The following TPRG1 variants were observed in gnomAD, a reference collection of about 807,000 sequenced individuals.
The protein encoded by TPRG1 is tumor protein p63 regulated 1.
In TPRG1, 29 loss-of-function variants were observed where a neutral mutation model predicts 29.3. That is an observed-to-expected ratio of 0.99 (90% CI 0.74 to 1.35). The LOEUF (loss-of-function observed/expected upper bound fraction) is 1.35, where lower values mean the gene tolerates loss of function less well. TPRG1 is among the 40% of genes most tolerant of loss of function. TPRG1 has a pLI of 0.00. For synonymous variants in TPRG1, 130 were observed against 116.8 expected (o/e 1.11, Z -0.73); for missense variants, 327 against 335.0 (o/e 0.98, Z 0.19).
rs1470652843 is a variant in TPRG1 at position 189,310,459 on chromosome 3, T to C, written c.553T>C (p.Trp185Arg). The C allele has an allele frequency of 1.9e-6, 3 of 1,612,716 alleles. No individual in the cohort carries two copies. Among genetic ancestry groups the C allele is most frequent in the Non-Finnish European group, 2.5e-6 (3 of 1,179,356 alleles). ...GTCTCTTCTGTCCCGCTGGAACCCA[T>C]GGTCCACTGAAGTTCCTTATGCTAC... ...EQSLLSRWNP[W>R]STEVPYATFT... The change falls in exon 5 of 6, where the codon TGG becomes CGG. Residue 185 changes from tryptophan (W) to arginine (R), a missense_variant. By Grantham distance (101) the Trp-to-Arg change is moderately radical. Coordinates refer to ENST00000345063, the MANE Select transcript of TPRG1 (RefSeq NM_198485.4).
chr3:189,058,335 T>G (rs1046105026), intron 4 of TPRG1, among the ~76,000 whole-genome samples: 10 of 152,210 alleles, frequency 6.6e-5, no homozygotes, highest in African/African-American at 2.2e-4. Flanking sequence ...ATCAATAGAT[T>G]ATTTTCTTTG....
intron 4 of TPRG1, among the ~76,000 whole-genome samples, chr3:189,085,439 G>C (rs1218651607): frequency 6.9e-6 from 1 of 143,994 alleles, no homozygotes; most frequent in Non-Finnish European, 1.5e-5. Flanking sequence ...GTGTCTGTGT[G>C]TGTGTGCATG....
intron 4 of TPRG1, among the ~76,000 whole-genome samples, chr3:189,289,966 A>G (rs1474507653): frequency 6.6e-6 from 1 of 152,250 alleles, no homozygotes; most frequent in Non-Finnish European, 1.5e-5. Context: ...GTACATTTTC[A>G]GATATTGCTT....
chr3:189,137,440 A>T (rs1202560075), intron 3 of TPRG1, among the ~76,000 whole-genome samples: 1 of 152,048 alleles, frequency 6.6e-6, no homozygotes, highest in Non-Finnish European at 1.5e-5. Context: ...AACAACAAAA[A>T]AAGAATTTTT....
intron 1 of TPRG1, among the ~76,000 whole-genome samples, chr3:189,180,601 C>T (rs1265237801): frequency 6.6e-6 from 1 of 152,330 alleles, no homozygotes; most frequent in East Asian, 1.9e-4. Flanking sequence ...CCAGGTCACA[C>T]TGATGCAAGA....
intron 1 of TPRG1, among the ~76,000 whole-genome samples, chr3:189,121,082 T>C (rs905024199): frequency 9.9e-5 from 15 of 152,226 alleles, no homozygotes; most frequent in African/African-American, 3.4e-4. Context: ...ATCTCTAAAT[T>C]TTTATTTTCT....
intron 3 of TPRG1, among the ~76,000 whole-genome samples, chr3:189,237,638 G>T (rs991368298): frequency 6.6e-6 from 1 of 152,124 alleles, no homozygotes; most frequent in Non-Finnish European, 1.5e-5. Flanking sequence ...TTATACAGGC[G>T]TGTAGTCCAT....
intron 1 of TPRG1, among the ~76,000 whole-genome samples, chr3:189,197,284 T>C (rs532263004): frequency 3.3e-5 from 5 of 152,362 alleles, no homozygotes; most frequent in African/African-American, 1.2e-4. Flanking sequence ...CTTGTTCATC[T>C]GTATATGGAG....
chr3:189,303,299 T>C (rs902777814), intron 4 of TPRG1, among the ~76,000 whole-genome samples: 10 of 152,218 alleles, frequency 6.6e-5, no homozygotes, highest in African/African-American at 1.9e-4. Flanking sequence ...ATGACTTTCA[T>C]CCAAATTAAT....
At chr3:189,252,142 C>T (rs1431337830) in intron 4 of TPRG1, among the ~76,000 whole-genome samples, 4 of 152,212 alleles carry the variant, frequency 2.6e-5, no homozygotes, top group African/African-American at 9.6e-5. Context: ...GCACATCTTG[C>T]ACCGCCCTTA....
intron 4 of TPRG1, among the ~76,000 whole-genome samples, chr3:189,295,564 C>T (rs1345875022): frequency 4.2e-5 from 6 of 143,754 alleles, no homozygotes; most frequent in East Asian, 4.3e-4. Context: ...ATGAAGGAGT[C>T]GCTTTAATAT....
intron 4 of TPRG1, among the ~76,000 whole-genome samples, chr3:189,091,591 G>T (rs370813886): frequency 1.3e-5 from 2 of 151,966 alleles, no homozygotes; most frequent in Admixed American, 1.3e-4. Flanking sequence ...GCAGTCTTTC[G>T]TAACATATAT....
chr3:189,022,358 T>G (rs1323934228), intron 3 of TPRG1, among the ~76,000 whole-genome samples: 2 of 145,842 alleles, frequency 1.4e-5, no homozygotes, highest in African/African-American at 2.6e-5. Context: ...CCCATCTTTG[T>G]GGTTTTATCT....
intron 3 of TPRG1, among the ~76,000 whole-genome samples, chr3:189,013,054 T>G (rs1339849881): frequency 6.9e-5 from 3 of 43,610 alleles, no homozygotes; most frequent in Non-Finnish European, 4.6e-4. Context: ...ATTTCTTGCC[T>G]TCTGCTAGCT....
At chr3:189,317,341 T>C (rs1723696460) in intron 5 of TPRG1, among the ~76,000 whole-genome samples, 1 of 152,186 alleles carries the variant, frequency 6.6e-6, no homozygotes, top group East Asian at 1.9e-4. Context: ...TATTTATTGA[T>C]TCCTGGCAAC....
intron 2 of TPRG1, among the ~76,000 whole-genome samples, chr3:189,208,925 C>G (rs1208016304): frequency 6.6e-6 from 1 of 152,126 alleles, no homozygotes; most frequent in African/African-American, 2.4e-5. Flanking sequence ...TTCTCTGAAT[C>G]TGGTGTTGGG....
intron 4 of TPRG1, among the ~76,000 whole-genome samples, chr3:189,031,915 G>T (rs566424216): frequency 1.3e-4 from 20 of 152,296 alleles, no homozygotes; most frequent in Middle Eastern, 3.4e-3. Context: ...GAAGCTAATA[G>T]AGTTTGGGAA....
At chr3:189,156,309 C>G (rs1479755067) in intron 5 of TPRG1, among the ~76,000 whole-genome samples, 1 of 151,838 alleles carries the variant, frequency 6.6e-6, no homozygotes, top group Non-Finnish European at 1.5e-5. Context: ...TTAGATCCTC[C>G]AGAAGGAACA....
At chr3:189,079,398 G>A (rs1717436968) in intron 4 of TPRG1, among the ~76,000 whole-genome samples, 2 of 152,110 alleles carry the variant, frequency 1.3e-5, no homozygotes, top group African/African-American at 4.8e-5. Flanking sequence ...TTACTTGATT[G>A]TTATCACCCT....
Sources: allele counts gnomAD v4.1 joint callset (sites outside exome capture counted in the v4.1 genomes callset), GRCh38; gene constraint gnomAD v4.1.1; transcripts MANE v1.5; gene names NCBI Gene and HGNC (gene_info 2026-07-23, HGNC 2026-07-21).